Variants in SEPTIN14 observed in about 807,000 individuals in gnomAD.
SEPTIN14 encodes the protein septin 14, also known as septin-14.
A neutral mutation model predicts 53.6 loss-of-function variants in SEPTIN14; 40 were observed. The ratio of observed to expected loss-of-function variants is 0.75; its 90% confidence interval spans 0.58 to 0.97. The LOEUF is 0.97. Ranked by LOEUF, SEPTIN14 falls within the 50% of genes least tolerant of loss-of-function variation. SEPTIN14 has a pLI of 0.00. For synonymous variants in SEPTIN14, 138 were observed against 166.8 expected (o/e 0.83, Z 1.33); for missense variants, 471 against 508.2 (o/e 0.93, Z 0.70).
chr7:55,807,701 T>G (rs899509351), intron 7 of SEPTIN14, among the ~76,000 whole-genome samples: 1 of 152,138 alleles, frequency 6.6e-6, no homozygotes, highest in African/African-American at 2.4e-5. Flanking sequence ...GTTACATATT[T>G]CCATTTATAT....
At chr7:55,840,519 G>A (rs1032980312) in intron 5 of SEPTIN14, among the ~76,000 whole-genome samples, 1 of 151,870 alleles carries the variant, frequency 6.6e-6, no homozygotes, top group Non-Finnish European at 1.5e-5. Flanking sequence ...TGGACACCCC[G>A]GAGACACTAG....
chr7:55,798,741 TG>T, intron 9 of SEPTIN14: 1 of 210,678 alleles, frequency 4.7e-6, no homozygotes, highest in Non-Finnish European at 9.9e-6. Context: ...TGGTACACTC[TG>T]GGGCCCAATG....
chr7:55,800,610 C>T (rs138933645), intron 9 of SEPTIN14, among the ~76,000 whole-genome samples: 5,487 of 143,938 alleles, frequency 0.038, 134 homozygotes, highest in South Asian at 0.061. Flanking sequence ...GGTGACAGAG[C>T]GAGACTTTGT....
At chr7:55,838,582 G>A (rs1465290578) in intron 5 of SEPTIN14, among the ~76,000 whole-genome samples, 19 of 124,646 alleles carry the variant, frequency 1.5e-4, no homozygotes, top group Non-Finnish European at 2.7e-4. Flanking sequence ...TCTCTCTTTC[G>A]CTCTCTTTTC....
chr7:55,838,559 TTCTTTCTC>T (rs898284054), intron 5 of SEPTIN14, among the ~76,000 whole-genome samples: 8 of 123,118 alleles, frequency 6.5e-5, no homozygotes, highest in Non-Finnish European at 1.1e-4. Context: ...CTTCCTTTCT[TTCTTTCTC>T]TCTTTCTCTC....
chr7:55,817,726 T>C (rs1788820131), intron 7 of SEPTIN14, among the ~76,000 whole-genome samples: 1 of 152,062 alleles, frequency 6.6e-6, no homozygotes, highest in Non-Finnish European at 1.5e-5. Context: ...CGCTTCAGCC[T>C]CCCAAAGTGC....
At chr7:55,822,913 A>G (rs1276442430) in intron 6 of SEPTIN14, among the ~76,000 whole-genome samples, 1 of 151,644 alleles carries the variant, frequency 6.6e-6, no homozygotes, top group African/African-American at 2.4e-5. Flanking sequence ...TTCACCATCC[A>G]GAACACACGG....
intron 5 of SEPTIN14, among the ~76,000 whole-genome samples, chr7:55,838,734 A>G (rs1291133575): frequency 1.3e-5 from 2 of 151,798 alleles, no homozygotes; most frequent in Non-Finnish European, 2.9e-5. Context: ...TTTTTTGTAG[A>G]GATGGGGTCT....
In SEPTIN14 at chr7:55,799,958, T is replaced by G. The variant is rs543411126; in HGVS notation, c.1120-3866A>C. Among the ~76,000 whole-genome samples the G allele has an allele frequency of 4.6e-5, 7 of 152,316 alleles. No individual in the cohort carries two copies. The South Asian group carries it at 1.4e-3, about 32-fold the overall frequency. ...CATTCTTCTCAAGGGCACAGGAACATTCTCCAACATAGATCATATATTGGG... is the reference window on the plus strand; with the variant it reads ...CATTCTTCTCAAGGGCACAGGAACAGTCTCCAACATAGATCATATATTGGG... On this transcript the variant is annotated intron_variant, in intron 9 of 9. Transcript: ENST00000388975.
chr7:55,829,757 G>T (rs1205838803), intron 6 of SEPTIN14, among the ~76,000 whole-genome samples: 1 of 130,596 alleles, frequency 7.7e-6, no homozygotes. Context: ...GGAGGCAGAG[G>T]TTGCAGTGAG....
At chr7:55,861,804 A>C (rs902616905) in intron 2 of SEPTIN14, 139 bp downstream of exon 2, 2 of 534,244 alleles carry the variant, frequency 3.7e-6, no homozygotes, top group African/African-American at 4.0e-5. Flanking sequence ...CAATTAGTAT[A>C]AAAGCTAATT....
At chr7:55,849,062 C>A (rs180760159) in intron 2 of SEPTIN14, among the ~76,000 whole-genome samples, 2 of 152,006 alleles carry the variant, frequency 1.3e-5, no homozygotes, top group East Asian at 3.9e-4. Context: ...CGTTGGCTCA[C>A]GCCTGAAATC....
intron 6 of SEPTIN14, among the ~76,000 whole-genome samples, chr7:55,828,429 T>C (rs958236437): frequency 6.6e-6 from 1 of 151,614 alleles, no homozygotes; most frequent in African/African-American, 2.4e-5. Context: ...CTCAGCCTCC[T>C]GAGTAGCTGG....
At chr7:55,801,631 A>G (rs1788523658) in intron 9 of SEPTIN14, among the ~76,000 whole-genome samples, 1 of 152,154 alleles carries the variant, frequency 6.6e-6, no homozygotes, top group African/African-American at 2.4e-5. Flanking sequence ...TTAAAATGGA[A>G]ATAATAGGCC....
intron 7 of SEPTIN14, chr7:55,810,914 A>G (rs1306300098): frequency 5.6e-6 from 2 of 358,724 alleles, no homozygotes; most frequent in Non-Finnish European, 1.1e-5. Context: ...AAACTAGGGT[A>G]ACAGTGATAG....
At chr7:55,855,640 C>T (rs185908680) in intron 2 of SEPTIN14, among the ~76,000 whole-genome samples, 15 of 152,278 alleles carry the variant, frequency 9.9e-5, no homozygotes, top group African/African-American at 3.4e-4. Context: ...ACTGCAACTT[C>T]CGCCTCCCTG....
chr7:55,819,297 A>G, intron 6 of SEPTIN14, 74 bp from the exon 7 acceptor site: 1 of 1,146,084 alleles, frequency 8.7e-7, no homozygotes, highest in East Asian at 2.6e-5. Flanking sequence ...CATTCCTGTT[A>G]TAAAAATGAC....
intron 6 of SEPTIN14, among the ~76,000 whole-genome samples, chr7:55,827,523 C>T (rs1789011616): frequency 6.6e-6 from 1 of 152,202 alleles, no homozygotes; most frequent in East Asian, 1.9e-4. Context: ...GCTGGTACAG[C>T]TCCTCCCTCC....
At position 55,858,215 on chromosome 7, in the gene SEPTIN14, G is replaced by A. The variant is rs571465899; in HGVS notation, c.54+3728C>T. On this transcript the variant is annotated intron_variant, in intron 2 of 9. Coordinates refer to ENST00000388975, the MANE Select transcript of SEPTIN14 (RefSeq NM_207366.3). The stretch of plus-strand genomic sequence containing the variant: ...TAGAAGATGTGCAGAAATTCACAAT[G>A]GATTCAGAACCATGTCAGAAGAAGA... Among the ~76,000 whole-genome samples, 3 of 152,272 alleles carry A rather than the reference G, an allele frequency of 2.0e-5. No individual in the cohort carries two copies. The South Asian group carries it at 6.2e-4, about 32-fold the overall frequency.
Sources: gnomAD v4.1 joint callset for allele counts (sites outside exome capture counted in the v4.1 genomes callset) on GRCh38, gnomAD v4.1.1 for gene constraint, MANE v1.5 for transcripts, NCBI Gene and HGNC (gene_info 2026-07-23, HGNC 2026-07-21) for gene names.